GON4L: variants seen among roughly 807,000 people sequenced by gnomAD.
The protein encoded by GON4L is GON-4-like protein.
GON4L carries 87 observed loss-of-function variants against 211.8 expected under a neutral mutation model. The observed-to-expected ratio is 0.41, with a 90% CI of 0.35 to 0.49. GON4L has a LOEUF of 0.49. Among genes scored for constraint, GON4L ranks in the 20% least tolerant of loss-of-function variants. The probability of loss-of-function intolerance (pLI) is 0.15; values close to 1 mark genes in which losing one functional copy is unlikely to be tolerated. For missense variants in GON4L, 2,155 were observed against 2,659.5 expected (o/e 0.81, Z 4.17); for synonymous variants, 875 against 962.6 (o/e 0.91, Z 1.68).
At chr1:155,779,465 C>A (rs1248385952) in intron 14 of GON4L, among the ~76,000 whole-genome samples, 1 of 151,052 alleles carries the variant, frequency 6.6e-6, no homozygotes, top group Admixed American at 6.6e-5. Context: ...TACAGACACA[C>A]GCCATCACAC....
intron 14 of GON4L, among the ~76,000 whole-genome samples, chr1:155,780,591 T>C (rs1184723402): frequency 6.6e-6 from 1 of 151,472 alleles, no homozygotes. Flanking sequence ...AGACTCCATT[T>C]CAAAAAAATA....
chr1:155,795,742 C>T (rs115135153), intron 11 of GON4L, among the ~76,000 whole-genome samples: 28 of 152,194 alleles, frequency 1.8e-4, no homozygotes, highest in African/African-American at 5.8e-4. Flanking sequence ...CAGGATCAGG[C>T]GATTGTCACA....
intron 2 of GON4L, among the ~76,000 whole-genome samples, chr1:155,827,306 C>G (rs930306678): frequency 2.0e-5 from 3 of 152,032 alleles, no homozygotes; most frequent in Non-Finnish European, 4.4e-5. Context: ...AAAGGAAATT[C>G]CTGATGACAT....
chr1:155,764,680 C>T (rs1662241515), intron 21 of GON4L: 2 of 637,236 alleles, frequency 3.1e-6, no homozygotes, highest in Non-Finnish European at 5.4e-6. Flanking sequence ...GCCTTGTGAT[C>T]CACCCACCTC....
At chr1:155,821,005 G>T (rs531773686) in intron 5 of GON4L, among the ~76,000 whole-genome samples, 1 of 152,066 alleles carries the variant, frequency 6.6e-6, no homozygotes, top group Non-Finnish European at 1.5e-5. Flanking sequence ...GGTGGCTCAC[G>T]CCTGTAATCC....
intron 10 of GON4L, among the ~76,000 whole-genome samples, chr1:155,809,559 A>G (rs1298791551): frequency 7.0e-6 from 1 of 142,830 alleles, no homozygotes; most frequent in Non-Finnish European, 1.5e-5. Flanking sequence ...CTTATAAATT[A>G]TATACTTATA....
rs781165609 is a variant in GON4L at position 155,765,290 on chromosome 1, C to T, written c.4183G>A (p.Glu1395Lys). ...CCTGAGGTTCCTTCATCAGGGGGCT[C>T]TTGAGAAGATGAAGGGGTTTTAGTT... ...QPTKTPSSSQ[E>K]PPDEGTSGTD... Residue 1395 changes from glutamate to lysine, a missense_variant, in exon 21 of 32, where the codon GAG becomes AAG. Transcript: ENST00000368331. 2 of 1,614,206 alleles carry T rather than the reference C, an allele frequency of 1.2e-6. No homozygotes were observed. The highest frequency in any genetic ancestry group is 2.2e-5 in the South Asian group (2 of 91,086).
chr1:155,753,995 G>A (rs1403738456), intron 28 of GON4L: 3 of 348,040 alleles, frequency 8.6e-6, no homozygotes, highest in East Asian at 7.6e-5. Context: ...CCCGAATAGA[G>A]TATTGGATTC....
At chr1:155,795,506 T>C (rs1168718360) in intron 11 of GON4L, among the ~76,000 whole-genome samples, 1 of 152,222 alleles carries the variant, frequency 6.6e-6, no homozygotes, top group African/African-American at 2.4e-5. Flanking sequence ...AGAATGACTA[T>C]ATAATTATAA....
At position 155,750,073 on chromosome 1, in the gene GON4L, A is replaced by G; in HGVS notation, c.*511T>C. 4 of 1,023,752 alleles carry G rather than the reference A, an allele frequency of 3.9e-6. No individual in the cohort carries two copies. The highest frequency in any genetic ancestry group is 5.7e-6 in the Non-Finnish European group (4 of 700,952). The allele number at this position is 1,023,752 out of a possible 1,614,324, so 63.4% of individuals were successfully genotyped here. A position where few individuals can be genotyped will look rare whatever the true frequency, so the allele number is the denominator to read the frequency against. ...GGAGTGGAGCACGATGACGTAGCAG[A>G]GCTGCTGCAGGAGCTACAAAGCCTG... On this transcript the variant is annotated 3_prime_UTR_variant, in exon 32 of 32. Coordinates refer to ENST00000368331, the MANE Select transcript of GON4L (RefSeq NM_001282860.2).
At chr1:155,777,356 G>A (rs1198217682) in intron 15 of GON4L, among the ~76,000 whole-genome samples, 1 of 152,114 alleles carries the variant, frequency 6.6e-6, no homozygotes, top group Non-Finnish European at 1.5e-5. Flanking sequence ...CGAGGCGGGC[G>A]GATCACAAGG....
intron 2 of GON4L, among the ~76,000 whole-genome samples, chr1:155,843,789 C>T (rs967332591): frequency 2.0e-5 from 3 of 152,244 alleles, no homozygotes; most frequent in Middle Eastern, 3.4e-3. Flanking sequence ...ACTCAATCAC[C>T]CCCATTGGAA....
chr1:155,784,393 TTTG>T, intron 13 of GON4L: 2 of 271,738 alleles, frequency 7.4e-6, no homozygotes, highest in Non-Finnish European at 1.4e-5. Flanking sequence ...TTTTTTTTTT[TTTG>T]AGACAGAGTC....
intron 7 of GON4L, 28 bp from the exon 8 acceptor site, chr1:155,815,928 A>AG (rs1477620459): frequency 7.9e-7 from 1 of 1,263,830 alleles, no homozygotes; most frequent in Admixed American, 1.7e-5. Flanking sequence ...GAAAGAAATG[A>AG]AGTAATGGGA....
In GON4L at chr1:155,816,471, A is replaced by G. The variant is rs193014230; in HGVS notation, c.1015-209T>C. On this transcript the variant is annotated intron_variant, in intron 6 of 31. Transcript: ENST00000368331. ...GAAAGAATCTATTACTGTCATTAGC[A>G]TTTCTGCCTTACACCTGGTAAGCCT... Among the ~76,000 whole-genome samples, 203 of 152,300 alleles carry G rather than the reference A, an allele frequency of 1.3e-3. 1 individual carries two copies. The highest frequency in any genetic ancestry group is 4.7e-3 in the African/African-American group (195 of 41,572).
chr1:155,805,988 GTTTT>G (rs58821661), intron 10 of GON4L, among the ~76,000 whole-genome samples: 2 of 133,320 alleles, frequency 1.5e-5, no homozygotes, highest in Non-Finnish European at 3.2e-5. Context: ...CATGCCTGGT[GTTTT>G]TTTTTTTTTT....
intron 2 of GON4L, among the ~76,000 whole-genome samples, chr1:155,839,713 T>C (rs954453288): frequency 2.0e-4 from 31 of 151,482 alleles, no homozygotes; most frequent in African/African-American, 7.0e-4. Flanking sequence ...ATATCATACA[T>C]GGTCTGTGCA....
At chr1:155,776,581 C>A in intron 15 of GON4L, 100 bp from the exon 16 acceptor site, 1 of 923,010 alleles carries the variant, frequency 1.1e-6, no homozygotes, top group Non-Finnish European at 1.8e-6. Flanking sequence ...GAAAGGATCT[C>A]TCTCTGTCAC....
In GON4L at chr1:155,785,043, T is replaced by A. The variant is rs1664806026; in HGVS notation, c.1788+291A>T. The A allele has an allele frequency of 5.6e-5, 25 of 446,314 alleles. 1 individual carries two copies. Among genetic ancestry groups the A allele is most frequent in the South Asian group, 4.7e-4 (24 of 51,076 alleles). 27.6% of individuals were successfully genotyped at this position (446,314 alleles called of 1,614,324 possible). On this transcript the variant is annotated intron_variant, in intron 13 of 31. Coordinates refer to ENST00000368331, the MANE Select transcript of GON4L (RefSeq NM_001282860.2). ...TGAGCCTAGAAGGTCAAGGCTGCTGTGAGCTGTAATTTCACCACTGCACTC... is the reference window on the plus strand; with the variant it reads ...TGAGCCTAGAAGGTCAAGGCTGCTGAGAGCTGTAATTTCACCACTGCACTC...
Sources: gnomAD v4.1 joint callset for allele counts (sites outside exome capture counted in the v4.1 genomes callset) on GRCh38, gnomAD v4.1.1 for gene constraint, MANE v1.5 for transcripts, NCBI Gene and HGNC (gene_info 2026-07-23, HGNC 2026-07-21) for gene names.